Variants in ST18 observed in about 807,000 individuals in gnomAD.
ST18 encodes ST18 C2H2C-type zinc finger transcription factor, also known as suppression of tumorigenicity 18 protein.
In ST18, 50 loss-of-function variants were observed where a neutral mutation model predicts 110.0. The observed-to-expected ratio is 0.45, with a 90% CI of 0.36 to 0.58. The LOEUF (loss-of-function observed/expected upper bound fraction) is 0.58, where lower values mean the gene tolerates loss of function less well. ST18 is among the 20% of genes least tolerant of loss of function. The pLI is 0.00. For synonymous variants in ST18, 461 were observed against 452.4 expected, an observed-to-expected ratio of 1.02 and a Z score of -0.24; for missense variants, 1,306 against 1,280.1, an observed-to-expected ratio of 1.02 and a Z score of -0.31.
At chr8:52,115,168 A>G (rs1194861609) in intron 25 of ST18, among the ~76,000 whole-genome samples, 1 of 152,186 alleles carries the variant, frequency 6.6e-6, no homozygotes, top group East Asian at 1.9e-4. Context: ...CTTGGGTAAA[A>G]TGGAGGGGCT....
intron 2 of ST18, among the ~76,000 whole-genome samples, chr8:52,340,203 T>G (rs1814230562): frequency 6.6e-6 from 1 of 152,250 alleles, no homozygotes; most frequent in African/African-American, 2.4e-5. Flanking sequence ...GCCTCAACTC[T>G]AAGAAAGAGT....
At chr8:52,233,670 C>T (rs542143062) in intron 2 of ST18, among the ~76,000 whole-genome samples, 127 of 152,170 alleles carry the variant, frequency 8.3e-4, no homozygotes, top group Middle Eastern at 3.4e-3. Context: ...TTATATCAGG[C>T]GTTTCGTCCA....
chr8:52,324,937 C>T (rs1805616490), intron 2 of ST18, among the ~76,000 whole-genome samples: 1 of 152,140 alleles, frequency 6.6e-6, no homozygotes, highest in South Asian at 2.1e-4. Flanking sequence ...TGTGAAACCC[C>T]GCTGGGAAAT....
At chr8:52,403,119 G>C (rs967194463) in intron 2 of ST18, among the ~76,000 whole-genome samples, 25 of 152,024 alleles carry the variant, frequency 1.6e-4, no homozygotes, top group Non-Finnish European at 1.5e-4. Context: ...CAACTTGGAT[G>C]GGGGAAATGG....
intron 9 of ST18, among the ~76,000 whole-genome samples, chr8:52,178,402 C>T (rs553290683): frequency 1.7e-4 from 26 of 151,434 alleles, no homozygotes; most frequent in African/African-American, 4.6e-4. Context: ...CTGAGGCAGG[C>T]GATCACTTCA....
At chr8:52,246,476 G>A (rs577812878) in intron 2 of ST18, 25 of 152,128 alleles carry the variant, frequency 1.6e-4, no homozygotes, top group Non-Finnish European at 3.2e-4. Flanking sequence ...TTAAGTTGAA[G>A]TGTAATAAAA....
intron 2 of ST18, among the ~76,000 whole-genome samples, chr8:52,315,226 T>C (rs183578677): frequency 3.3e-5 from 5 of 152,344 alleles, no homozygotes; most frequent in Admixed American, 2.0e-4. Context: ...TCAACAAGGC[T>C]TTGCCGTATT....
chr8:52,393,583 G>C (rs934989956), intron 2 of ST18: 1 of 149,382 alleles, frequency 6.7e-6, no homozygotes, highest in Non-Finnish European at 1.5e-5. Context: ...TACGGGAAAT[G>C]AAAAAAAAAC....
intron 2 of ST18, among the ~76,000 whole-genome samples, chr8:52,244,930 A>T (rs1220006700): frequency 6.6e-6 from 1 of 152,216 alleles, no homozygotes; most frequent in Non-Finnish European, 1.5e-5. Flanking sequence ...ACACAAAAAA[A>T]GATCCAGGAC....
At chr8:52,225,042 A>G (rs1361685571) in intron 3 of ST18, among the ~76,000 whole-genome samples, 1 of 152,236 alleles carries the variant, frequency 6.6e-6, no homozygotes, top group Non-Finnish European at 1.5e-5. Context: ...GAGCATCACA[A>G]TAACTTCCGG....
chr8:52,128,501 A>G (rs2047957563), intron 22 of ST18, among the ~76,000 whole-genome samples: 1 of 152,046 alleles, frequency 6.6e-6, no homozygotes, highest in Non-Finnish European at 1.5e-5. Flanking sequence ...TCAGATTGCT[A>G]TTTTTTTCAA....
At chr8:52,388,740 A>G (rs891782221) in intron 2 of ST18, among the ~76,000 whole-genome samples, 1 of 147,550 alleles carries the variant, frequency 6.8e-6, no homozygotes, top group African/African-American at 2.5e-5. Context: ...GTGTCTCTCC[A>G]CTGAAAACCT....
intron 2 of ST18, among the ~76,000 whole-genome samples, chr8:52,350,794 C>T (rs1174113899): frequency 6.6e-6 from 1 of 151,724 alleles, no homozygotes; most frequent in African/African-American, 2.4e-5. Flanking sequence ...AATCTTGGCT[C>T]ACTGCAACCT....
At chr8:52,208,552 C>T (rs1355888107) in intron 8 of ST18, among the ~76,000 whole-genome samples, 3 of 152,220 alleles carry the variant, frequency 2.0e-5, no homozygotes, top group Admixed American at 6.5e-5. Context: ...TGGGGCTGGG[C>T]GCGGTGGCTC....
intron 2 of ST18, among the ~76,000 whole-genome samples, chr8:52,283,872 C>T (rs1161922174): frequency 2.6e-5 from 4 of 152,130 alleles, no homozygotes; most frequent in South Asian, 2.1e-4. Flanking sequence ...GGAGGAAGCA[C>T]GGGAGGTTTA....
At position 52,152,214 on chromosome 8, in the gene ST18, A is replaced by G. The variant is rs185655267; in HGVS notation, c.1807-2237T>C. On this transcript the variant is annotated intron_variant, in intron 15 of 25. Transcript: ENST00000689386. ...GCGCACAGATGCCTTCAACAATTAC[A>G]TGCAGTACCAGAGAAGGGTCCCTTT... Among the ~76,000 whole-genome samples the G allele has an allele frequency of 2.6e-4, 40 of 152,290 alleles. 1 individual carries two copies. The highest frequency in any genetic ancestry group is 8.7e-4 in the African/African-American group (36 of 41,558).
rs369064373 is a variant in ST18 at position 52,180,443 on chromosome 8, C to G, written c.87-131G>C. ...AGAGGTTTAGGGTTGGTTACTGGCA[C>G]TAACAAAAACATCCCATCTGTGGAC... On this transcript the variant is annotated intron_variant, in intron 8 of 25. Coordinates refer to ENST00000689386, the MANE Select transcript of ST18 (RefSeq NM_001352837.2). The G allele has an allele frequency of 2.2e-5, 19 of 873,530 alleles. No homozygotes were observed. The East Asian group carries it at 3.3e-4, about 15-fold the overall frequency. The allele number at this position is 873,530 out of a possible 1,614,324, so 54.1% of individuals were successfully genotyped here.
chr8:52,268,709 C>T (rs891973903), intron 2 of ST18, among the ~76,000 whole-genome samples: 11 of 152,144 alleles, frequency 7.2e-5, no homozygotes, highest in East Asian at 1.9e-4. Context: ...TAAAAGAGAC[C>T]AGGCATACAG....
chr8:52,365,570 C>A (rs1425631001), intron 2 of ST18, among the ~76,000 whole-genome samples: 1 of 77,980 alleles, frequency 1.3e-5, no homozygotes, highest in Non-Finnish European at 2.5e-5. Flanking sequence ...CTCAGAGCAA[C>A]CAGAAACTAG....
Sources: allele counts gnomAD v4.1 joint callset (sites outside exome capture counted in the v4.1 genomes callset), GRCh38; gene constraint gnomAD v4.1.1; transcripts MANE v1.5; gene names NCBI Gene and HGNC (gene_info 2026-07-23, HGNC 2026-07-21).